LGI4: variants seen among roughly 807,000 people sequenced by gnomAD.
LGI4 encodes the protein leucine-rich repeat LGI family member 4.
In LGI4, 36 loss-of-function variants were observed where a neutral mutation model predicts 48.3. The ratio of observed to expected loss-of-function variants is 0.75; its 90% CI spans 0.57 to 0.98. The LOEUF (loss-of-function observed/expected upper bound fraction) is 0.98, where lower values mean the gene tolerates loss of function less well. LGI4 is among the 50% of genes least tolerant of loss of function. The pLI, the probability that LGI4 is intolerant of heterozygous loss-of-function variation, is 0.00. For synonymous variants in LGI4, 355 were observed against 331.6 expected (o/e 1.07, Z -0.77); for missense variants, 701 against 732.1 (o/e 0.96, Z 0.49).
intron 6 of LGI4, among the ~76,000 whole-genome samples, chr19:35,129,145 C>T (rs1235344317): frequency 1.3e-5 from 2 of 152,334 alleles, no homozygotes; most frequent in African/African-American, 4.8e-5. Context: ...CAGTGACCAT[C>T]ACCTCTCACA....
intron 6 of LGI4, 152 bp downstream of exon 6, chr19:35,131,234 A>T (rs1392172883): frequency 2.3e-6 from 2 of 885,742 alleles, no homozygotes; most frequent in Admixed American, 2.0e-5. Flanking sequence ...CACTTTACAG[A>T]TGAGAAAACT....
intron 1 of LGI4, 83 bp from the exon 2 acceptor site, chr19:35,134,187 AC>A: frequency 7.8e-7 from 1 of 1,287,072 alleles, no homozygotes; most frequent in Non-Finnish European, 1.1e-6. Flanking sequence ...CATCCGGGAG[AC>A]CCCAGCGTGC....
chr19:35,126,877 A>G lies in LGI4; in HGVS notation c.769T>C (p.Phe257Leu). Residue 257 changes from phenylalanine to leucine, a missense_variant, in exon 7 of 9, where the codon TTC becomes CTC. By Grantham distance (22) the Phe-to-Leu change is conservative. Coordinates refer to ENST00000310123, the MANE Select transcript of LGI4 (RefSeq NM_139284.3). Reference sequence around the variant, plus strand: ...CCGGGCAGCTCTTCCTCGGGCCGGAAGCGCTGCAGGCTGTAGTCCCAGGAG... The same window carrying G: ...CCGGGCAGCTCTTCCTCGGGCCGGAGGCGCTGCAGGCTGTAGTCCCAGGAG... ...ILSWDYSLQRFRPEEELPAAS... is the reference protein window; with the variant it reads ...ILSWDYSLQRLRPEEELPAAS... 1 of 1,612,856 alleles carries G rather than the reference A, an allele frequency of 6.2e-7. No individual in the cohort carries two copies. Among genetic ancestry groups the G allele is most frequent in the Non-Finnish European group, 8.5e-7 (1 of 1,179,730 alleles).
At chr19:35,125,659 A>C in intron 8 of LGI4, 152 bp from the exon 9 acceptor site, 1 of 730,410 alleles carries the variant, frequency 1.4e-6, no homozygotes, top group Non-Finnish European at 2.4e-6. Context: ...ACACACATGC[A>C]GTTGTTCTGA....
At position 35,133,747 on chromosome 19, in the gene LGI4, G is replaced by A. The variant is rs536187489; in HGVS notation, c.260C>T (p.Ser87Phe). The change falls in exon 3 of 9, where the codon TCC becomes TTC. Residue 87 changes from serine to phenylalanine, a missense_variant. Physicochemically the swap from Ser to Phe is radical, Grantham distance 155. Around this residue, in one of 3 missense-constraint regions of LGI4, gnomAD observed 462 missense variants for 436.4 expected, o/e 1.06. Transcript: ENST00000310123. ...TGCATCGTCCTCAATCACGGAGAAG[G>A]AGTTGGAGGTGAAGAGGCTGGCAAG... Reference protein sequence around the residue: ...SLHLLLFTSNSFSVIEDDAFA... With the variant: ...SLHLLLFTSNFFSVIEDDAFA... The A allele has an allele frequency of 2.4e-5, 38 of 1,609,044 alleles. No individual in the cohort carries two copies. In the South Asian group the frequency reaches 4.1e-4, roughly 17 times the overall value.
chr19:35,126,829 C>A (rs774234671), intron 7 of LGI4, 24 bp downstream of exon 7: 25 of 1,602,622 alleles, frequency 1.6e-5, no homozygotes, highest in Non-Finnish European at 2.1e-5. Context: ...GCTGGACAGG[C>A]AGAAGGACGG....
Position 35,131,801 on chromosome 19 carries a change from G to A in LGI4, c.446C>T (p.Thr149Ile), listed in dbSNP as rs1224276546. 1 of 1,564,766 alleles carries A rather than the reference G, an allele frequency of 6.4e-7. No individual in the cohort carries two copies. The change falls in exon 5 of 9, where the codon ACC becomes ATC. Residue 149 changes from threonine to isoleucine, a missense_variant. Around this residue, in one of 3 missense-constraint regions of LGI4, gnomAD observed 462 missense variants for 436.4 expected, o/e 1.06. Coordinates refer to ENST00000310123, the MANE Select transcript of LGI4 (RefSeq NM_139284.3). ...CCATGAGCCTCACACATGAGTAAGGGTGTCCAGGCCTCGGAACAGGAATCT... is the reference window on the plus strand; with the variant it reads ...CCATGAGCCTCACACATGAGTAAGGATGTCCAGGCCTCGGAACAGGAATCT... ...LPRFLFRGLD[T>I]LTHVDLRGNP...
intron 1 of LGI4, 50 bp downstream of exon 1, chr19:35,134,461 C>A (rs1204327430): frequency 1.9e-6 from 3 of 1,540,804 alleles, no homozygotes; most frequent in Non-Finnish European, 2.6e-6. Context: ...CCTCTGGGGT[C>A]CCAGGACTTC....
Position 35,124,865 on chromosome 19 carries a change from C to A in LGI4, c.*328G>T, listed in dbSNP as rs1037912840. 1 of 231,598 alleles carries A rather than the reference C, an allele frequency of 4.3e-6. No homozygotes were observed. Among genetic ancestry groups the A allele is most frequent in the Non-Finnish European group, 8.3e-6 (1 of 120,030 alleles). 14.3% of individuals were successfully genotyped at this position (231,598 alleles called of 1,614,324 possible). A position where few individuals can be genotyped will look rare whatever the true frequency, so the allele number is the denominator to read the frequency against. On this transcript the variant is annotated 3_prime_UTR_variant, in exon 9 of 9. Transcript: ENST00000310123. Reference sequence around the variant, plus strand: ...AGGGGGGCTCCGGGACCTCATGGAGCTCTGCACGTGACCTCCACCTCGACT... The same window carrying A: ...AGGGGGGCTCCGGGACCTCATGGAGATCTGCACGTGACCTCCACCTCGACT...
chr19:35,124,987 C>T lies in LGI4; in HGVS notation c.*206G>A, dbSNP rs964887044. Reference sequence around the variant, plus strand: ...ATGTTGCTTTAGACCTGAAGGGCAGCTCGGGAGGTCCAGTAGGCTGGGACC... The same window carrying T: ...ATGTTGCTTTAGACCTGAAGGGCAGTTCGGGAGGTCCAGTAGGCTGGGACC... On this transcript the variant is annotated 3_prime_UTR_variant, in exon 9 of 9. Transcript: ENST00000310123. 2 of 429,854 alleles carry T rather than the reference C, an allele frequency of 4.7e-6. No individual in the cohort carries two copies. Among genetic ancestry groups the T allele is most frequent in the Non-Finnish European group, 8.1e-6 (2 of 245,788 alleles). 26.6% of individuals were successfully genotyped at this position (429,854 alleles called of 1,614,324 possible). A position where few individuals can be genotyped will look rare whatever the true frequency, so the allele number is the denominator to read the frequency against.
chr19:35,132,524 C>G (rs550389182), intron 3 of LGI4, among the ~76,000 whole-genome samples: 34 of 151,470 alleles, frequency 2.2e-4, no homozygotes, highest in African/African-American at 7.8e-4. Flanking sequence ...TGCCAGCATC[C>G]CCAACACCCA....
chr19:35,134,200 A>G, intron 1 of LGI4, 96 bp from the exon 2 acceptor site: 1 of 1,130,564 alleles, frequency 8.8e-7, no homozygotes. Flanking sequence ...CCAGCGTGCC[A>G]CCCTGACCCT....
Position 35,124,915 on chromosome 19 carries a change from C to G in LGI4, c.*278G>C. The G allele has an allele frequency of 6.1e-6, 2 of 327,446 alleles. No individual in the cohort carries two copies. Among genetic ancestry groups the G allele is most frequent in the Non-Finnish European group, 1.1e-5 (2 of 179,254 alleles). The allele number at this position is 327,446 out of a possible 1,614,324, so 20.3% of individuals were successfully genotyped here. On this transcript the variant is annotated 3_prime_UTR_variant, in exon 9 of 9. Transcript: ENST00000310123. ...TCCATGCAGTGCACCAGCCTGCACC[C>G]CCCAGGTTGCCTTTGATGGGGAATC... is the stretch of plus-strand genomic sequence containing the variant.
At position 35,125,452 on chromosome 19, in the gene LGI4, C is replaced by T; in HGVS notation, c.1355G>A (p.Gly452Asp). The T allele has an allele frequency of 4.4e-6, 7 of 1,600,984 alleles. No homozygotes were observed. The highest frequency in any genetic ancestry group is 5.1e-6 in the Non-Finnish European group (6 of 1,173,422). The change falls in exon 9 of 9, where the codon GGT becomes GAT. Residue 452 changes from glycine to aspartate, a missense_variant. Coordinates refer to ENST00000310123, the MANE Select transcript of LGI4 (RefSeq NM_139284.3). Reference sequence around the variant, plus strand: ...GAGCAGTGGCTGGAAGACGTGGGCACCGCGCGAGGGAAGTTGCTGCAGCAG... The same window carrying T: ...GAGCAGTGGCTGGAAGACGTGGGCATCGCGCGAGGGAAGTTGCTGCAGCAG... ...FRLLQQLPSR[G>D]AHVFQPLLIA...
intron 8 of LGI4, 166 bp from the exon 9 acceptor site, chr19:35,125,673 C>G (rs1247841778): frequency 8.4e-6 from 6 of 717,824 alleles, no homozygotes; most frequent in South Asian, 3.1e-5. Context: ...GTTCTGAGCC[C>G]TTCCCTTGCC....
In LGI4 at chr19:35,133,678, C is replaced by T; in HGVS notation, c.314+15G>A. 1 of 1,590,308 alleles carries T rather than the reference C, an allele frequency of 6.3e-7. No individual in the cohort carries two copies. ...TGCCCAGACCCACCTGCCTCCATCC[C>T]CTGGCCTCACTCACAGGTACTGCAG... On this transcript the variant is annotated intron_variant, in intron 3 of 8. Coordinates refer to ENST00000310123, the MANE Select transcript of LGI4 (RefSeq NM_139284.3).
chr19:35,133,615 T>A, intron 3 of LGI4, 78 bp downstream of exon 3: 1 of 1,508,826 alleles, frequency 6.6e-7, no homozygotes, highest in South Asian at 1.2e-5. Flanking sequence ...ACAGCTCCCA[T>A]CTCCCCCTAC....
intron 6 of LGI4, among the ~76,000 whole-genome samples, chr19:35,130,551 G>T (rs959468832): frequency 6.6e-6 from 1 of 152,026 alleles, no homozygotes; most frequent in Non-Finnish European, 1.5e-5. Flanking sequence ...AAAAAAATTA[G>T]CCAGGCACAG....
At chr19:35,125,777 T>A (rs1384860874) in intron 8 of LGI4, 1 of 656,248 alleles carries the variant, frequency 1.5e-6, no homozygotes, top group Admixed American at 2.1e-5. Flanking sequence ...CTGAACTCCA[T>A]CCCCTCCTGA....
Sources: gnomAD v4.1 joint callset for allele counts (sites outside exome capture counted in the v4.1 genomes callset) on GRCh38, gnomAD v4.1.1 for gene constraint, gnomAD v4.1.1 regional missense constraint, MANE v1.5 for transcripts, NCBI Gene and HGNC (gene_info 2026-07-23, HGNC 2026-07-21) for gene names.